The following RASAL1 variants were observed in gnomAD, a reference collection of about 807,000 sequenced individuals.
RASAL1 encodes RAS protein activator like 1, also known as rasGAP-activating-like protein 1.
Under a neutral mutation model 96.6 loss-of-function variants are expected in RASAL1, and 72 were observed. The observed-to-expected ratio is 0.75, with a 90% CI of 0.62 to 0.91. The LOEUF is 0.91. Ranked by LOEUF, RASAL1 falls within the 40% of genes least tolerant of loss-of-function variation. RASAL1 has a pLI of 0.00. For synonymous variants in RASAL1, 405 were observed against 430.4 expected (o/e 0.94, Z 0.73); for missense variants, 1,016 against 1,072.5 (o/e 0.95, Z 0.74).
chr12:113,107,475 T>A, intron 14 of RASAL1: 1 of 612,974 alleles, frequency 1.6e-6, no homozygotes. Context: ...ATGCAAAAAT[T>A]AGCTGGTCGT....
Position 113,121,604 on chromosome 12 carries a change from G to T in RASAL1, c.333C>A (p.Asp111Glu), listed in dbSNP as rs1426472466. ...TCTCACCCTGCACTTCTGCATCTGG[G>T]TCCACTCGGCTCAAGTTAATCCAGC... ...IDSWINLSRV[D>E]PDAEVQGEIC... The change falls in exon 5 of 21, where the codon GAC becomes GAA. Residue 111 changes from aspartate to glutamate, a missense_variant. Coordinates refer to ENST00000548055, the MANE Select transcript of RASAL1 (RefSeq NM_001301202.2). The T allele has an allele frequency of 4.3e-6, 7 of 1,614,196 alleles. No individual in the cohort carries two copies. Among genetic ancestry groups the T allele is most frequent in the Non-Finnish European group, 5.9e-6 (7 of 1,180,038 alleles).
chr12:113,124,830 A>G (rs549785737), intron 4 of RASAL1, among the ~76,000 whole-genome samples: 1 of 152,396 alleles, frequency 6.6e-6, no homozygotes, highest in African/African-American at 2.4e-5. Context: ...ACTGAGGGAA[A>G]TAATGCATTA....
intron 4 of RASAL1, among the ~76,000 whole-genome samples, chr12:113,126,565 C>G (rs1338348238): frequency 6.6e-6 from 1 of 151,980 alleles, no homozygotes. Context: ...GCCTGTAGTC[C>G]CAGCTACTTG....
At chr12:113,102,749 G>T (rs1446186214) in intron 18 of RASAL1, among the ~76,000 whole-genome samples, 2 of 152,014 alleles carry the variant, frequency 1.3e-5, no homozygotes, top group African/African-American at 4.8e-5. Context: ...CACTACTTCC[G>T]TTGAATCTTA....
chr12:113,131,016 A>G (rs1304053379), intron 1 of RASAL1, 75 bp from the exon 2 acceptor site: 9 of 1,145,730 alleles, frequency 7.9e-6, no homozygotes, highest in Non-Finnish European at 3.9e-6. Context: ...GTCATGACAC[A>G]GGCAGGGGAG....
chr12:113,119,059 C>A, intron 7 of RASAL1, 69 bp downstream of exon 7: 1 of 1,502,610 alleles, frequency 6.7e-7, no homozygotes, highest in Non-Finnish European at 8.9e-7. Flanking sequence ...AGGCTCAGCC[C>A]GTCTCATCTT....
Position 113,104,216 on chromosome 12 carries a change from T to G in RASAL1, c.1913A>C (p.Gln638Pro). 6.2e-7 allele frequency: 1 copy of G among 1,610,246 alleles called. No individual in the cohort carries two copies. The highest frequency in any genetic ancestry group is 1.1e-5 in the South Asian group (1 of 90,372). The change falls in exon 17 of 21, where the codon CAG becomes CCG. Residue 638 changes from glutamine (Q) to proline (P), a missense_variant. By Grantham distance (76) the Gln-to-Pro change is moderately conservative. Transcript: ENST00000548055. ...EGAFQLPHVM[Q>P]VVTQDGTGAL... ...CCCCGTGCCGTCCTGCGTCACCACC[T>G]GCATCACGTGGGGCAGTTGGAAGGC...
intron 4 of RASAL1, among the ~76,000 whole-genome samples, chr12:113,126,729 A>C (rs987904010): frequency 7.0e-6 from 1 of 142,308 alleles, no homozygotes; most frequent in African/African-American, 2.6e-5. Context: ...CACACACACA[A>C]AAGGCATAGA....
In RASAL1 at chr12:113,126,698, A is replaced by T. The variant is rs964026090; in HGVS notation, c.298+1114T>A. 2.3e-3 allele frequency among the ~76,000 whole-genome samples: 353 copies of T among 151,200 alleles called. 3 individuals are homozygous for T. The highest frequency in any genetic ancestry group is 7.4e-3 in the East Asian group (38 of 5,146). On this transcript the variant is annotated intron_variant, in intron 4 of 20. Transcript: ENST00000548055. Reference sequence around the variant, plus strand: ...CACTGTCTCTCTCTCTCACACACACACACACACACACACACACACACACAC... The same window carrying T: ...CACTGTCTCTCTCTCTCACACACACTCACACACACACACACACACACACAC...
intron 4 of RASAL1, among the ~76,000 whole-genome samples, 159 bp downstream of exon 4, chr12:113,127,650 TAAC>T (rs1008770285): frequency 5.9e-5 from 9 of 152,218 alleles, no homozygotes; most frequent in Admixed American, 4.6e-4. Flanking sequence ...ACCTCATCTC[TAAC>T]AACAACAATT....
intron 5 of RASAL1, 133 bp downstream of exon 5, chr12:113,121,376 A>T (rs903661739): frequency 4.9e-6 from 7 of 1,428,880 alleles, no homozygotes; most frequent in Non-Finnish European, 6.6e-6. Flanking sequence ...GTTTGTCCAC[A>T]CAGGGAACCT....
chr12:113,135,700 C>G lies in RASAL1; in HGVS notation c.-238G>C, dbSNP rs1012513635. 9.5e-5 allele frequency: 27 copies of G among 283,102 alleles called. 1 individual carries two copies. The East Asian group carries it at 2.2e-3, about 23-fold the overall frequency. 17.5% of individuals were successfully genotyped at this position (283,102 alleles called of 1,614,324 possible). A position where few individuals can be genotyped will look rare whatever the true frequency, so the allele number is the denominator to read the frequency against. On this transcript the variant is annotated 5_prime_UTR_variant, in exon 1 of 21. Coordinates refer to ENST00000548055, the MANE Select transcript of RASAL1 (RefSeq NM_001301202.2). The surrounding 1 kb of genome is among the most constrained non-coding windows in gnomAD (Gnocchi z 5.7). ...GGAGCCGTGCTCCGAGCAGGAGGAG[C>G]GCGCAGGGGGCGCAGCGGGCTCTTG...
At chr12:113,103,360 C>T (rs1158209470) in intron 18 of RASAL1, among the ~76,000 whole-genome samples, 2 of 152,062 alleles carry the variant, frequency 1.3e-5, no homozygotes, top group Non-Finnish European at 1.5e-5. Flanking sequence ...AATCCCAACA[C>T]TTTGGGAGGC....
rs1166974774 is a variant in RASAL1, at chr12:113,129,215, G to A, written c.123-1037C>T. ...GGGTTAGCTCAATCGCCCCTGGTTGGGTCGTGGGGGTAGGGTCGGAGGGGA... is the reference window on the plus strand; with the variant it reads ...GGGTTAGCTCAATCGCCCCTGGTTGAGTCGTGGGGGTAGGGTCGGAGGGGA... On this transcript the variant is annotated intron_variant, in intron 2 of 20. Coordinates refer to ENST00000548055, the MANE Select transcript of RASAL1 (RefSeq NM_001301202.2). This position sits in a 1 kb window ranked among gnomAD's most constrained non-coding sequence, Gnocchi z 5.0. 6.6e-6 allele frequency among the ~76,000 whole-genome samples: 1 copy of A among 152,218 alleles called. No homozygotes were observed. The highest frequency in any genetic ancestry group is 1.5e-5 in the Non-Finnish European group (1 of 68,036).
chr12:113,107,333 A>C (rs1313760072), intron 14 of RASAL1, 92 bp from the exon 15 acceptor site: 2 of 1,401,870 alleles, frequency 1.4e-6, no homozygotes, highest in Non-Finnish European at 9.5e-7. Context: ...ATAAAAGAAG[A>C]CTCATATTGC....
chr12:113,111,377 A>T (rs1337480333), intron 13 of RASAL1, among the ~76,000 whole-genome samples: 1 of 152,080 alleles, frequency 6.6e-6, no homozygotes, highest in African/African-American at 2.4e-5. Flanking sequence ...TGCCTGGGTG[A>T]GTGCCAGTCC....
intron 5 of RASAL1, among the ~76,000 whole-genome samples, chr12:113,119,826 A>T (rs1433794702): frequency 2.0e-5 from 3 of 152,186 alleles, no homozygotes; most frequent in African/African-American, 7.2e-5. Flanking sequence ...TGGCTAGCGG[A>T]CACTAGGGAA....
chr12:113,103,897 G>A, intron 18 of RASAL1, 49 bp downstream of exon 18: 1 of 1,541,212 alleles, frequency 6.5e-7, no homozygotes, highest in Non-Finnish European at 8.7e-7. Context: ...GACACCCGCT[G>A]ATTGACGGGT....
intron 4 of RASAL1, among the ~76,000 whole-genome samples, chr12:113,127,504 G>A (rs1951528660): frequency 6.6e-6 from 1 of 152,036 alleles, no homozygotes; most frequent in Non-Finnish European, 1.5e-5. Context: ...GAAAAAATTA[G>A]CTGGGTGTGG....
Sources: gnomAD v4.1 joint callset for allele counts (sites outside exome capture counted in the v4.1 genomes callset) on GRCh38, gnomAD v4.1.1 for gene constraint, Gnocchi (gnomAD v3.1) non-coding constraint, MANE v1.5 for transcripts, NCBI Gene and HGNC (gene_info 2026-07-23, HGNC 2026-07-21) for gene names.